The following CELSR1 variants were observed in gnomAD, a reference collection of about 807,000 sequenced individuals.
The protein encoded by CELSR1 is cadherin EGF LAG seven-pass G-type receptor 1.
Under a neutral mutation model 249.1 loss-of-function variants are expected in CELSR1, and 110 were observed. The ratio of observed to expected loss-of-function variants is 0.44; its 90% CI spans 0.38 to 0.52. CELSR1 has a LOEUF of 0.52. Ranked by LOEUF, CELSR1 falls within the 20% of genes least tolerant of loss-of-function variation. The pLI is 0.00. For missense variants in CELSR1, 4,109 were observed against 4,296.4 expected, an observed-to-expected ratio of 0.96 and a Z score of 1.22; for synonymous variants, 2,113 against 1,900.0, an observed-to-expected ratio of 1.11 and a Z score of -2.92.
Position 46,416,111 on chromosome 22 carries a change from G to T in CELSR1, c.4612-4352C>A, listed in dbSNP as rs1158828232. On this transcript the variant is annotated intron_variant, in intron 5 of 34. Transcript: ENST00000674500. ...TGAATGGTACAGGTTGCAGAGGGGG[G>T]CGGATAAGGAATGAGACAGACGAAC... Among the ~76,000 whole-genome samples the T allele has an allele frequency of 2.8e-5, 4 of 144,042 alleles. 1 individual carries two copies. The highest frequency in any genetic ancestry group is 1.0e-4 in the African/African-American group (4 of 38,848). The allele number at this position is 144,042 out of a possible 152,430, so 94.5% of individuals were successfully genotyped here. A position where few individuals can be genotyped will look rare whatever the true frequency, so the allele number is the denominator to read the frequency against.
At position 46,365,135 on chromosome 22, in the gene CELSR1, G is replaced by A. The variant is rs536541253; in HGVS notation, c.8554+96C>T. ...TTTCATGTGGCTGCAGTGCTGCTGG[G>A]CATATCCTGGGAGGAAGGGACCCAG... On this transcript the variant is annotated intron_variant, in intron 32 of 34. Transcript: ENST00000674500. The A allele has an allele frequency of 4.6e-4, 672 of 1,461,226 alleles. 6 individuals are homozygous for A. The African/African-American group carries it at 8.6e-3, about 19-fold the overall frequency. The allele number at this position is 1,461,226 out of a possible 1,614,324, so 90.5% of individuals were successfully genotyped here. A position where few individuals can be genotyped will look rare whatever the true frequency, so the allele number is the denominator to read the frequency against.
Position 46,384,633 on chromosome 22 carries a change from G to A in CELSR1, c.6793C>T (p.Arg2265Ter), listed in dbSNP as rs2079013335. 2 of 1,613,718 alleles carry A rather than the reference G, an allele frequency of 1.2e-6. No individual in the cohort carries two copies. The highest frequency in any genetic ancestry group is 8.5e-7 in the Non-Finnish European group (1 of 1,179,832). ...AACTCTTCATGGATGGTGTCGAATC[G>A]CGGGACCCTGGCTCCCGTAAAGTTG... Reference protein sequence around the residue: ...KFNFTGARVPRFDTIHEEFPR... With the variant: ...KFNFTGARVP The change falls in exon 20 of 35, where the codon CGA (arginine) becomes TGA (stop). Residue 2265 changes from arginine to a stop codon, truncating the protein, a stop_gained. Transcript: ENST00000674500. LOFTEE classifies it high-confidence loss of function.
rs750372998 is a variant in CELSR1 at position 46,534,919 on chromosome 22, T to TC, written c.2251dup (p.Asp751GlyfsTer31). On this transcript the variant is annotated frameshift_variant, in exon 1 of 35. Coordinates refer to ENST00000674500, the MANE Select transcript of CELSR1 (RefSeq NM_001378328.1). LOFTEE classifies it high-confidence loss of function. The surrounding 1 kb of genome is among the most constrained non-coding windows in gnomAD (Gnocchi z 9.7). ...CACGTACTGCTGCTCCTGCTTGTAG[T>TC]CCAGAGGTAGCGCCAGGGTGATGAG... 1 of 1,612,530 alleles carries TC rather than the reference T, an allele frequency of 6.2e-7. No homozygotes were observed.
chr22:46,533,630 A>T lies in CELSR1; in HGVS notation c.3541T>A (p.Ser1181Thr). Residue 1181 changes from serine (S) to threonine (T), a missense_variant, in exon 1 of 35, where the codon TCT becomes ACT. Ser to Thr is a moderately conservative substitution (Grantham distance 58). Coordinates refer to ENST00000674500, the MANE Select transcript of CELSR1 (RefSeq NM_001378328.1). Reference sequence around the variant, plus strand: ...TCCCACCCCGACGGCCACTCACCAGACACAGACACCTCCATGAGCGCCTCC... The same window carrying T: ...TCCCACCCCGACGGCCACTCACCAGTCACAGACACCTCCATGAGCGCCTCC... ...PLEALMEVSV[S>T]DGIHSVTAFC... The T allele has an allele frequency of 6.4e-7, 1 of 1,563,574 alleles. No homozygotes were observed. Among genetic ancestry groups the T allele is most frequent in the Non-Finnish European group, 8.6e-7 (1 of 1,158,772 alleles).
chr22:46,371,460 C>A, intron 25 of CELSR1, among the ~76,000 whole-genome samples: 1 of 152,168 alleles, frequency 6.6e-6, no homozygotes, highest in East Asian at 1.9e-4. Context: ...CAGTAGGGAG[C>A]AAACCAACTT....
Position 46,396,780 on chromosome 22 carries a change from C to A in CELSR1, c.5702-34G>T. 1 of 1,603,164 alleles carries A rather than the reference C, an allele frequency of 6.2e-7. No individual in the cohort carries two copies. The highest frequency in any genetic ancestry group is 2.3e-5 in the East Asian group (1 of 44,208). On this transcript the variant is annotated intron_variant, in intron 12 of 34. Transcript: ENST00000674500. The surrounding 1 kb of genome is among the most constrained non-coding windows in gnomAD (Gnocchi z 6.4). ...ACAGAGCCAGCATTACCTCCACCCA[C>A]AATCCACGAGACCTTCCACGTTAAA...
chr22:46,482,355 C>A (rs738459), intron 1 of CELSR1, among the ~76,000 whole-genome samples: 1 of 151,758 alleles, frequency 6.6e-6, no homozygotes, highest in Admixed American at 6.6e-5. Flanking sequence ...GCCCTGAAGA[C>A]AGAGGAAGGG....
Position 46,381,898 on chromosome 22 carries a change from T to C in CELSR1, c.7036A>G (p.Thr2346Ala). 1 of 1,574,026 alleles carries C rather than the reference T, an allele frequency of 6.4e-7. No individual in the cohort carries two copies. Among genetic ancestry groups the C allele is most frequent in the Non-Finnish European group, 8.6e-7 (1 of 1,162,224 alleles). ...FAVALVIIYR[T>A]LGQLLPERYD... Reference sequence around the variant, plus strand: ...CGCTCGGGCAGGAGCTGCCCCAGGGTGCGGTAAATGATGACCAGAGCGACG... The same window carrying C: ...CGCTCGGGCAGGAGCTGCCCCAGGGCGCGGTAAATGATGACCAGAGCGACG... The change falls in exon 21 of 35, where the codon ACC becomes GCC. Residue 2346 changes from threonine to alanine, a missense_variant. Coordinates refer to ENST00000674500, the MANE Select transcript of CELSR1 (RefSeq NM_001378328.1). This position sits in a 1 kb window ranked among gnomAD's most constrained non-coding sequence, Gnocchi z 6.0.
rs140464049 is a variant in CELSR1, at chr22:46,464,101, C to G, written c.3789G>C (p.Ser1263=). 20 of 1,613,696 alleles carry G rather than the reference C, an allele frequency of 1.2e-5. No individual in the cohort carries two copies. The highest frequency in any genetic ancestry group is 3.3e-5 in the Admixed American group (2 of 60,012). ...CGCGGACGCCGCCAGGCAGCAGCGCCGAGAAGGTCACGTTCAGGATGTTGG... is the reference window on the plus strand; with the variant it reads ...CGCGGACGCCGCCAGGCAGCAGCGCGGAGAAGGTCACGTTCAGGATGTTGG... The part of the protein sequence containing the change: ...VSSNILNVTF[S]ALLPGGVRGQ... Residue 1263 remains serine, a synonymous_variant, in exon 2 of 35, where the codon TCG becomes TCC. Coordinates refer to ENST00000674500, the MANE Select transcript of CELSR1 (RefSeq NM_001378328.1). The surrounding 1 kb of genome is among the most constrained non-coding windows in gnomAD (Gnocchi z 8.5).
At chr22:46,449,403 T>C (rs1369053263) in intron 2 of CELSR1, among the ~76,000 whole-genome samples, 1 of 148,980 alleles carries the variant, frequency 6.7e-6, no homozygotes, top group Non-Finnish European at 1.5e-5. Flanking sequence ...CACACATCCA[T>C]CCATCCATCC....
rs1443729495 is a variant in CELSR1 at position 46,436,160 on chromosome 22, G to A, written c.4522+14C>T. Reference sequence around the variant, plus strand: ...AATTGCTCAGAGCTGCCCTTCCTGGGGAGAAGGCCCCACCTGCAGAGAAGG... The same window carrying A: ...AATTGCTCAGAGCTGCCCTTCCTGGAGAGAAGGCCCCACCTGCAGAGAAGG... On this transcript the variant is annotated intron_variant, in intron 4 of 34. Coordinates refer to ENST00000674500, the MANE Select transcript of CELSR1 (RefSeq NM_001378328.1). This position sits in a 1 kb window ranked among gnomAD's most constrained non-coding sequence, Gnocchi z 5.9. 4.4e-6 allele frequency: 7 copies of A among 1,606,480 alleles called. No individual in the cohort carries two copies. Among genetic ancestry groups the A allele is most frequent in the African/African-American group, 1.3e-5 (1 of 74,678 alleles).
intron 26 of CELSR1, 64 bp downstream of exon 26, chr22:46,369,628 G>T: frequency 6.7e-7 from 1 of 1,494,004 alleles, no homozygotes; most frequent in Non-Finnish European, 9.3e-7. Context: ...AGCCAACCCA[G>T]AACAGCCCTT....
chr22:46,392,173 A>T (rs887206179), intron 14 of CELSR1, among the ~76,000 whole-genome samples: 4 of 152,266 alleles, frequency 2.6e-5, no homozygotes, highest in Non-Finnish European at 5.9e-5. Flanking sequence ...GTTTTGAAAA[A>T]TTAGAAGCCA....
intron 5 of CELSR1, among the ~76,000 whole-genome samples, chr22:46,419,506 G>A (rs990281425): frequency 6.6e-6 from 1 of 152,132 alleles, no homozygotes; most frequent in African/African-American, 2.4e-5. Context: ...GCAGCCTCCC[G>A]GGGCCTGCCT....
rs776109789 is a variant in CELSR1 at position 46,536,046 on chromosome 22, G to A, written c.1125C>T (p.Ile375=). ...NLEVGYEVLT[I]RASDRDSPIN... ...TGGGCGAGTCGCGGTCGCTGGCGCGGATGGTCAGCACCTCGTAGCCCACCT... is the reference window on the plus strand; with the variant it reads ...TGGGCGAGTCGCGGTCGCTGGCGCGAATGGTCAGCACCTCGTAGCCCACCT... The change falls in exon 1 of 35, where the codon ATC becomes ATT. Residue 375 remains isoleucine, a synonymous_variant. Transcript: ENST00000674500. The A allele has an allele frequency of 3.1e-6, 5 of 1,610,716 alleles. No homozygotes were observed. Among genetic ancestry groups the A allele is most frequent in the Non-Finnish European group, 4.2e-6 (5 of 1,179,890 alleles).
At position 46,468,467 on chromosome 22, in the gene CELSR1, C is replaced by T. The variant is rs2080121536; in HGVS notation, c.3545-4122G>A. Among the ~76,000 whole-genome samples the T allele has an allele frequency of 6.6e-6, 1 of 152,032 alleles. No individual in the cohort carries two copies. Among genetic ancestry groups the T allele is most frequent in the Non-Finnish European group, 1.5e-5 (1 of 68,028 alleles). On this transcript the variant is annotated intron_variant, in intron 1 of 34. Transcript: ENST00000674500. The surrounding 1 kb of genome is among the most constrained non-coding windows in gnomAD (Gnocchi z 4.5). ...AGGGAGGAAATTCTGACACACGCTACAACATGGATGTACCTTGAGGACGTG... is the reference window on the plus strand; with the variant it reads ...AGGGAGGAAATTCTGACACACGCTATAACATGGATGTACCTTGAGGACGTG...
chr22:46,406,805 C>T lies in CELSR1; in HGVS notation c.5226+2191G>A, dbSNP rs779631112. Among the ~76,000 whole-genome samples, 5 of 152,188 alleles carry T rather than the reference C, an allele frequency of 3.3e-5. No individual in the cohort carries two copies. The highest frequency in any genetic ancestry group is 7.3e-5 in the Non-Finnish European group (5 of 68,030). The stretch of plus-strand genomic sequence containing the variant: ...CTTGGAGCAGGCACTCCGTAAAATC[C>T]ATCTCACCTCTCACCATCTGACCTT... On this transcript the variant is annotated intron_variant, in intron 9 of 34. Transcript: ENST00000674500. This position sits in a 1 kb window ranked among gnomAD's most constrained non-coding sequence, Gnocchi z 5.4.
chr22:46,374,821 G>A lies in CELSR1; in HGVS notation c.7585-1764C>T, dbSNP rs566478844. ...CCATTGCGGGGATGCGCCCGGCTGC[G>A]GATGTGAAGAAACCCCTCCGCAGGA... On this transcript the variant is annotated intron_variant, in intron 24 of 34. Transcript: ENST00000674500. This position sits in a 1 kb window ranked among gnomAD's most constrained non-coding sequence, Gnocchi z 4.3. Among the ~76,000 whole-genome samples, 3 of 152,290 alleles carry A rather than the reference G, an allele frequency of 2.0e-5. No individual in the cohort carries two copies. Among genetic ancestry groups the A allele is most frequent in the East Asian group, 1.9e-4 (1 of 5,182 alleles).
At position 46,413,945 on chromosome 22, in the gene CELSR1, G is replaced by C. The variant is rs2079367222; in HGVS notation, c.4612-2186C>G. ...GACTACTGGAGGAAGGGCGTAAGTA[G>C]CATTTACACTGGGAAGGCTTTCATG... On this transcript the variant is annotated intron_variant, in intron 5 of 34. Coordinates refer to ENST00000674500, the MANE Select transcript of CELSR1 (RefSeq NM_001378328.1). This position sits in a 1 kb window ranked among gnomAD's most constrained non-coding sequence, Gnocchi z 4.7. Among the ~76,000 whole-genome samples the C allele has an allele frequency of 6.6e-6, 1 of 152,196 alleles. No homozygotes were observed. The highest frequency in any genetic ancestry group is 2.1e-4 in the South Asian group (1 of 4,828).
Sources: gnomAD v4.1 joint callset for allele counts (sites outside exome capture counted in the v4.1 genomes callset) on GRCh38, gnomAD v4.1.1 for gene constraint, Gnocchi (gnomAD v3.1) non-coding constraint, MANE v1.5 for transcripts, NCBI Gene and HGNC (gene_info 2026-07-23, HGNC 2026-07-21) for gene names.